CFAP58: variants seen among roughly 807,000 people sequenced by gnomAD.
CFAP58 encodes the protein cilia and flagella associated protein 58.
CFAP58 carries 88 observed loss-of-function variants against 119.5 expected under a neutral mutation model. That is an observed-to-expected ratio of 0.74 (90% CI 0.62 to 0.88). The LOEUF is 0.88. Ranked by LOEUF, CFAP58 falls within the 40% of genes least tolerant of loss-of-function variation. The pLI is 0.00. For missense variants in CFAP58, 990 were observed against 1,021.2 expected (o/e 0.97, Z 0.42); for synonymous variants, 365 against 366.3 (o/e 1.00, Z 0.04).
rs1252395449 is a variant in CFAP58 at position 104,364,858 on chromosome 10, C to G, written c.566C>G (p.Ser189Ter). 1 of 1,611,268 alleles carries G rather than the reference C, an allele frequency of 6.2e-7. No individual in the cohort carries two copies. Among genetic ancestry groups the G allele is most frequent in the South Asian group, 1.1e-5 (1 of 90,826 alleles). Residue 189 changes from serine to a stop codon, truncating the protein, a stop_gained, in exon 4 of 18, where the codon TCA becomes TGA. Coordinates refer to ENST00000369704, the MANE Select transcript of CFAP58 (RefSeq NM_001008723.2). LOFTEE classifies it high-confidence loss of function. Reference protein sequence around the residue: ...TTEQQQETERSKEEAEHAISQ... With the variant: ...TTEQQQETER ...GAACAGCAGCAGGAAACAGAGCGAT[C>G]AAAAGAGGAGGCTGAACATGCCATC...
intron 15 of CFAP58, among the ~76,000 whole-genome samples, chr10:104,413,760 T>C (rs2012499414): frequency 6.6e-6 from 1 of 150,544 alleles, no homozygotes; most frequent in African/African-American, 2.5e-5. Context: ...AAGATGGCAT[T>C]TCTAATAATG....
intron 13 of CFAP58, among the ~76,000 whole-genome samples, chr10:104,401,136 G>A (rs1175959835): frequency 2.0e-5 from 3 of 152,120 alleles, no homozygotes; most frequent in Non-Finnish European, 4.4e-5. Context: ...GTAAGGGCGA[G>A]TGCAAAAAGG....
chr10:104,433,907 G>A (rs563233819), intron 15 of CFAP58, among the ~76,000 whole-genome samples: 56 of 152,172 alleles, frequency 3.7e-4, no homozygotes, highest in African/African-American at 1.2e-3. Flanking sequence ...ACAGTTACAC[G>A]GCTGCTCTGG....
chr10:104,425,335 G>A (rs1023022449), intron 15 of CFAP58, among the ~76,000 whole-genome samples: 4 of 152,216 alleles, frequency 2.6e-5, no homozygotes, highest in African/African-American at 9.6e-5. Context: ...GTGTGGGGAT[G>A]TGGTTGAGTA....
intron 9 of CFAP58, chr10:104,382,292 G>A: frequency 2.9e-6 from 2 of 690,338 alleles, no homozygotes; most frequent in East Asian, 5.4e-5. Flanking sequence ...TCCTGGGCAG[G>A]AGTGTGGTCC....
chr10:104,404,938 G>A (rs543534128), intron 14 of CFAP58, among the ~76,000 whole-genome samples: 93 of 152,224 alleles, frequency 6.1e-4, no homozygotes, highest in Non-Finnish European at 1.2e-3. Context: ...GAATGGAAAA[G>A]ACAATATGTA....
chr10:104,419,929 C>CA (rs1378875379), intron 15 of CFAP58, among the ~76,000 whole-genome samples: 2 of 152,090 alleles, frequency 1.3e-5, no homozygotes, highest in Non-Finnish European at 2.9e-5. Flanking sequence ...ATATATAGGT[C>CA]AAAGAAATCC....
At chr10:104,454,186 GTCT>G (rs1343678974) in intron 17 of CFAP58, among the ~76,000 whole-genome samples, 2 of 152,076 alleles carry the variant, frequency 1.3e-5, no homozygotes, top group African/African-American at 4.8e-5. Flanking sequence ...TTATAATGAG[GTCT>G]TCTGTTCATA....
intron 2 of CFAP58, among the ~76,000 whole-genome samples, chr10:104,360,725 CAT>C (rs987126435): frequency 2.6e-5 from 4 of 152,112 alleles, no homozygotes; most frequent in African/African-American, 4.8e-5. Context: ...TAAGTGAGAA[CAT>C]GTGGTATTTG....
chr10:104,352,356 G>A (rs76368035), upstream of CFAP58, among the ~76,000 whole-genome samples: 501 of 152,276 alleles, frequency 3.3e-3, 1 homozygote, highest in Middle Eastern at 0.01. Flanking sequence ...ACTGGGCATC[G>A]TTGTGCTCTT....
chr10:104,339,446 A>G, the CFAP58 span, among the ~76,000 whole-genome samples: 1 of 152,202 alleles, frequency 6.6e-6, no homozygotes, highest in Non-Finnish European at 1.5e-5. Context: ...AAATCCTACC[A>G]TCAGTACAAA....
intron 15 of CFAP58, among the ~76,000 whole-genome samples, chr10:104,422,697 C>CATG (rs2012681049): frequency 6.6e-6 from 1 of 152,214 alleles, no homozygotes; most frequent in African/African-American, 2.4e-5. Context: ...CAGGCTTACT[C>CATG]TCATGGTAAC....
At chr10:104,383,674 A>T (rs1172314181) in intron 9 of CFAP58, among the ~76,000 whole-genome samples, 1 of 151,892 alleles carries the variant, frequency 6.6e-6, no homozygotes, top group Non-Finnish European at 1.5e-5. Flanking sequence ...TTGCTACGCA[A>T]CTTGTGCATC....
intron 9 of CFAP58, among the ~76,000 whole-genome samples, 179 bp downstream of exon 9, chr10:104,380,399 A>G (rs752901229): frequency 1.3e-5 from 2 of 152,226 alleles, no homozygotes; most frequent in Non-Finnish European, 2.9e-5. Flanking sequence ...TCTGGGCCAC[A>G]TTGTGAAAAG....
chr10:104,374,033 A>G (rs1319581432), intron 7 of CFAP58, among the ~76,000 whole-genome samples: 1 of 152,242 alleles, frequency 6.6e-6, no homozygotes, highest in Non-Finnish European at 1.5e-5. Flanking sequence ...TGTTGAAACC[A>G]TAAAGCCAAG....
At position 104,358,594 on chromosome 10, in the gene CFAP58, A is replaced by G. The variant is rs1395580121; in HGVS notation, c.263A>G (p.Asp88Gly). The G allele has an allele frequency of 6.2e-7, 1 of 1,613,634 alleles. No homozygotes were observed. The highest frequency in any genetic ancestry group is 1.7e-5 in the Admixed American group (1 of 59,950). The change falls in exon 2 of 18, where the codon GAT becomes GGT. Residue 88 changes from aspartate (D) to glycine (G), a missense_variant. Physicochemically the swap from Asp to Gly is moderately conservative, Grantham distance 94. Coordinates refer to ENST00000369704, the MANE Select transcript of CFAP58 (RefSeq NM_001008723.2). Reference sequence around the variant, plus strand: ...ACTGCCCTTAAGCTCTCTCAGGATGATCAGACCACCATTGCATCCCTAAAG... The same window carrying G: ...ACTGCCCTTAAGCTCTCTCAGGATGGTCAGACCACCATTGCATCCCTAAAG... Reference protein sequence around the residue: ...VATALKLSQDDQTTIASLKKE... With the variant: ...VATALKLSQDGQTTIASLKKE...
At chr10:104,443,508 A>G (rs920448223) in intron 15 of CFAP58, among the ~76,000 whole-genome samples, 1 of 152,256 alleles carries the variant, frequency 6.6e-6, no homozygotes, top group African/African-American at 2.4e-5. Context: ...CAGGGTGAGC[A>G]GAATCAATGC....
intron 7 of CFAP58, among the ~76,000 whole-genome samples, chr10:104,371,712 C>G (rs2135262085): frequency 6.6e-6 from 1 of 152,296 alleles, no homozygotes; most frequent in African/African-American, 2.4e-5. Context: ...CTGGCACACA[C>G]AGTAAGTGCT....
chr10:104,438,495 C>T (rs1054597629), intron 15 of CFAP58, among the ~76,000 whole-genome samples: 1 of 151,426 alleles, frequency 6.6e-6, no homozygotes, highest in African/African-American at 2.4e-5. Flanking sequence ...CCTGCCTCAG[C>T]CTCCCGAGTA....
Sources: gnomAD v4.1 joint callset for allele counts (sites outside exome capture counted in the v4.1 genomes callset) on GRCh38, gnomAD v4.1.1 for gene constraint, MANE v1.5 for transcripts, NCBI Gene and HGNC (gene_info 2026-07-23, HGNC 2026-07-21) for gene names.